The following DNAAF11 variants were observed in gnomAD, a reference collection of about 807,000 sequenced individuals.
DNAAF11 encodes dynein axonemal assembly factor 11.
In DNAAF11, 45 loss-of-function variants were observed where a neutral mutation model predicts 60.8. The ratio of observed to expected loss-of-function variants is 0.74; its 90% CI spans 0.58 to 0.95. DNAAF11 has a LOEUF of 0.95. Among genes scored for constraint, DNAAF11 ranks in the 40% least tolerant of loss-of-function variants. The pLI is 0.00. For synonymous variants in DNAAF11, 191 were observed against 183.5 expected (o/e 1.04, Z -0.33); for missense variants, 546 against 546.2 (o/e 1.00, Z 0.00).
intron 11 of DNAAF11, among the ~76,000 whole-genome samples, chr8:132,582,318 C>G (rs1815424481): frequency 6.6e-6 from 1 of 152,182 alleles, no homozygotes; most frequent in Admixed American, 6.5e-5. Context: ...TGCAAAAATA[C>G]CACAGGAGGG....
intron 6 of DNAAF11, among the ~76,000 whole-genome samples, chr8:132,624,309 TGAG>T (rs1031470361): frequency 1.3e-5 from 2 of 152,102 alleles, no homozygotes; most frequent in African/African-American, 4.8e-5. Flanking sequence ...AAGAAACAGA[TGAG>T]GAGAAGTTAG....
the DNAAF11 span, among the ~76,000 whole-genome samples, chr8:132,696,589 T>G: frequency 1.3e-5 from 2 of 152,082 alleles, no homozygotes; most frequent in Non-Finnish European, 2.9e-5. Flanking sequence ...TAAAAAGTAA[T>G]GAAGTAGAGA....
the DNAAF11 span, among the ~76,000 whole-genome samples, chr8:132,701,653 T>C: frequency 7.0e-4 from 106 of 152,374 alleles, 2 homozygotes; most frequent in South Asian, 0.015. Context: ...TTTTAGTTTA[T>C]GTCCTGCTTC....
At chr8:132,701,571 A>G in the DNAAF11 span, among the ~76,000 whole-genome samples, 3 of 152,222 alleles carry the variant, frequency 2.0e-5, no homozygotes, top group African/African-American at 7.2e-5. Context: ...GAACTAACAA[A>G]GGCCTGAGAG....
At chr8:132,600,488 A>T (rs1466765922) in intron 10 of DNAAF11, among the ~76,000 whole-genome samples, 2 of 152,236 alleles carry the variant, frequency 1.3e-5, no homozygotes, top group Non-Finnish European at 2.9e-5. Context: ...CAAAAAGAAC[A>T]AAGCTGGAGG....
intron 3 of DNAAF11, among the ~76,000 whole-genome samples, chr8:132,647,434 C>T (rs931406281): frequency 6.6e-6 from 1 of 152,116 alleles, no homozygotes; most frequent in Non-Finnish European, 1.5e-5. Context: ...AAAATTGACA[C>T]CCTAACGTCA....
chr8:132,578,623 T>C lies in DNAAF11; in HGVS notation c.1226+5071A>G, dbSNP rs1004380666. On this transcript the variant is annotated intron_variant, in intron 11 of 11. Coordinates refer to ENST00000620350, the MANE Select transcript of DNAAF11 (RefSeq NM_012472.6). ...AAACACATCAGAGATTCATTCCTTT[T>C]ATCAAAAAACATAAAGAAAGAACTT... is the stretch of plus-strand genomic sequence containing the variant. The C allele has an allele frequency of 7.6e-6, 5 of 658,036 alleles. No individual in the cohort carries two copies. The South Asian group carries it at 8.3e-5, about 11-fold the overall frequency. 40.8% of individuals were successfully genotyped at this position (658,036 alleles called of 1,614,324 possible).
At chr8:132,662,049 T>A (rs1455682520) in intron 1 of DNAAF11, among the ~76,000 whole-genome samples, 3 of 152,182 alleles carry the variant, frequency 2.0e-5, no homozygotes, top group African/African-American at 7.2e-5. Flanking sequence ...GGCAGAAATA[T>A]GAAAGCATCT....
chr8:132,696,717 G>T, the DNAAF11 span, among the ~76,000 whole-genome samples: 4 of 152,142 alleles, frequency 2.6e-5, no homozygotes, highest in Non-Finnish European at 4.4e-5. Flanking sequence ...CCATAAAAAA[G>T]AATGAGATCA....
intron 5 of DNAAF11, among the ~76,000 whole-genome samples, chr8:132,626,316 G>A (rs891949323): frequency 1.3e-5 from 2 of 152,120 alleles, no homozygotes; most frequent in African/African-American, 2.4e-5. Context: ...CTCCCAAAGC[G>A]CTGGCATTAC....
chr8:132,586,568 T>C (rs529528589), intron 10 of DNAAF11, among the ~76,000 whole-genome samples: 26 of 152,274 alleles, frequency 1.7e-4, no homozygotes, highest in African/African-American at 5.5e-4. Context: ...GTGGTCTAGA[T>C]CACGTGGTCT....
the DNAAF11 span, among the ~76,000 whole-genome samples, chr8:132,697,158 T>G: frequency 3.3e-5 from 5 of 152,300 alleles, no homozygotes; most frequent in African/African-American, 1.2e-4. Flanking sequence ...GTTAGTAGCC[T>G]GGGGCTGAAG....
rs185048372 is a variant in DNAAF11 at position 132,572,107 on chromosome 8, G to A, written c.*199C>T. The A allele has an allele frequency of 1.5e-3, 624 of 429,354 alleles. 12 individuals carry two copies. The highest frequency in any genetic ancestry group is 0.013 in the Admixed American group (302 of 24,098). 26.6% of individuals were successfully genotyped at this position (429,354 alleles called of 1,614,324 possible). A position where few individuals can be genotyped will look rare whatever the true frequency, so the allele number is the denominator to read the frequency against. On this transcript the variant is annotated 3_prime_UTR_variant, in exon 12 of 12. Transcript: ENST00000620350. ...CAACCCTTTATTATAGGTAAATGAT[G>A]AGTTATAGCATTTAAGACATACATT...
intron 10 of DNAAF11, among the ~76,000 whole-genome samples, chr8:132,600,845 T>C (rs1226125394): frequency 1.3e-5 from 2 of 152,158 alleles, no homozygotes; most frequent in Non-Finnish European, 2.9e-5. Flanking sequence ...GGCAATACCA[T>C]TCAGGACATA....
At chr8:132,610,486 C>T (rs1386999674) in intron 9 of DNAAF11, among the ~76,000 whole-genome samples, 4 of 152,122 alleles carry the variant, frequency 2.6e-5, no homozygotes, top group African/African-American at 9.7e-5. Context: ...CAGTGACATG[C>T]TCGTGGGTTC....
chr8:132,639,379 C>T, intron 3 of DNAAF11, among the ~76,000 whole-genome samples: 1 of 151,990 alleles, frequency 6.6e-6, no homozygotes, highest in Admixed American at 6.6e-5. Context: ...CCAGGTCCAC[C>T]TTGTTCTGCA....
upstream of DNAAF11, chr8:132,675,584 G>A (rs538525038): frequency 1.3e-5 from 18 of 1,357,586 alleles, no homozygotes; most frequent in South Asian, 9.4e-5. Flanking sequence ...GCGCGTCCCC[G>A]TCGGAATTCA....
intron 3 of DNAAF11, among the ~76,000 whole-genome samples, chr8:132,645,005 T>C (rs1390364447): frequency 1.3e-5 from 2 of 152,136 alleles, no homozygotes; most frequent in Non-Finnish European, 2.9e-5. Flanking sequence ...AGCATGGAGT[T>C]TGAGATCTGA....
At chr8:132,700,759 A>G in the DNAAF11 span, among the ~76,000 whole-genome samples, 1 of 152,152 alleles carries the variant, frequency 6.6e-6, no homozygotes, top group Non-Finnish European at 1.5e-5. Flanking sequence ...ATCGTCCCCA[A>G]GGTTTGGGGT....
Sources: allele counts gnomAD v4.1 joint callset (sites outside exome capture counted in the v4.1 genomes callset), GRCh38; gene constraint gnomAD v4.1.1; transcripts MANE v1.5; gene names NCBI Gene and HGNC (gene_info 2026-07-23, HGNC 2026-07-21).